Variants in KCNH5 observed in about 807,000 individuals in gnomAD.
The protein encoded by KCNH5 is potassium voltage-gated channel subfamily H member 5.
In KCNH5, 46 loss-of-function variants were observed where a neutral mutation model predicts 96.1. The ratio of observed to expected loss-of-function variants is 0.48; its 90% CI spans 0.38 to 0.61. The LOEUF (loss-of-function observed/expected upper bound fraction) is 0.61, where lower values mean the gene tolerates loss of function less well. Ranked by LOEUF, KCNH5 falls within the 20% of genes least tolerant of loss-of-function variation. The pLI, the probability that KCNH5 is intolerant of heterozygous loss-of-function variation, is 0.00. For synonymous variants in KCNH5, 439 were observed against 449.8 expected (o/e 0.98, Z 0.30); for missense variants, 907 against 1,225.8 (o/e 0.74, Z 3.88).
At chr14:62,826,385 T>C (rs1199280108) in intron 8 of KCNH5, among the ~76,000 whole-genome samples, 1 of 138,622 alleles carries the variant, frequency 7.2e-6, no homozygotes, top group Non-Finnish European at 1.5e-5. Context: ...TGAGATTTTG[T>C]GTGTGTGTGT....
At chr14:62,842,434 T>C (rs968279287) in intron 8 of KCNH5, among the ~76,000 whole-genome samples, 1 of 152,218 alleles carries the variant, frequency 6.6e-6, no homozygotes, top group Non-Finnish European at 1.5e-5. Context: ...TTGTAATATT[T>C]CAGTAGGTAA....
At chr14:62,772,040 T>A (rs559684843) in intron 10 of KCNH5, among the ~76,000 whole-genome samples, 1 of 152,328 alleles carries the variant, frequency 6.6e-6, no homozygotes, top group East Asian at 1.9e-4. Context: ...TCAGTTTACA[T>A]TCTTCTTTTG....
chr14:62,992,317 A>T (rs1890824764), intron 4 of KCNH5, among the ~76,000 whole-genome samples: 2 of 152,010 alleles, frequency 1.3e-5, no homozygotes, highest in African/African-American at 4.8e-5. Context: ...TTGTGTAAAG[A>T]TTTATTTTCT....
At chr14:62,867,306 T>G in intron 7 of KCNH5, among the ~76,000 whole-genome samples, 1 of 152,172 alleles carries the variant, frequency 6.6e-6, no homozygotes, top group Non-Finnish European at 1.5e-5. Flanking sequence ...TCTGCTCATG[T>G]CACTCCCCTT....
chr14:62,757,904 G>A (rs936757859), intron 10 of KCNH5, among the ~76,000 whole-genome samples: 3 of 152,064 alleles, frequency 2.0e-5, no homozygotes, highest in Admixed American at 6.6e-5. Flanking sequence ...CCAGCACTTC[G>A]GGAGGCTACG....
intron 9 of KCNH5, among the ~76,000 whole-genome samples, chr14:62,782,895 A>C (rs1398430085): frequency 1.3e-5 from 2 of 152,208 alleles, no homozygotes; most frequent in Admixed American, 1.3e-4. Context: ...TTTTATACAG[A>C]TGAATTTCAG....
chr14:62,964,156 T>C (rs963624361), intron 6 of KCNH5, among the ~76,000 whole-genome samples: 1 of 152,076 alleles, frequency 6.6e-6, no homozygotes, highest in South Asian at 2.1e-4. Flanking sequence ...TTCCCTAATA[T>C]TAGAAATTGG....
intron 10 of KCNH5, among the ~76,000 whole-genome samples, chr14:62,742,432 A>G (rs1414484296): frequency 2.7e-5 from 4 of 150,482 alleles, no homozygotes; most frequent in South Asian, 2.1e-4. Flanking sequence ...CAGCTTTGGA[A>G]TCACTGACCT....
At chr14:62,889,279 C>T (rs1888657290) in intron 7 of KCNH5, among the ~76,000 whole-genome samples, 1 of 152,204 alleles carries the variant, frequency 6.6e-6, no homozygotes, top group African/African-American at 2.4e-5. Flanking sequence ...ACCTGCCAGA[C>T]ACACTGTTCT....
At chr14:63,026,801 T>A (rs951457801) in intron 1 of KCNH5, among the ~76,000 whole-genome samples, 9 of 152,118 alleles carry the variant, frequency 5.9e-5, no homozygotes, top group Admixed American at 5.9e-4. Flanking sequence ...TGGAGGTTCC[T>A]CAAAAAATTA....
intron 7 of KCNH5, among the ~76,000 whole-genome samples, chr14:62,933,811 T>A (rs1274107189): frequency 6.6e-6 from 1 of 152,166 alleles, no homozygotes; most frequent in African/African-American, 2.4e-5. Flanking sequence ...AGTCAGATAA[T>A]CTGAATTAGC....
intron 4 of KCNH5, among the ~76,000 whole-genome samples, chr14:62,998,921 G>A (rs889834188): frequency 2.0e-5 from 3 of 152,118 alleles, no homozygotes; most frequent in African/African-American, 7.2e-5. Flanking sequence ...TGTATTCTCT[G>A]GCTGTTGGAT....
chr14:62,844,630 G>C (rs1887654331), intron 8 of KCNH5, among the ~76,000 whole-genome samples: 1 of 152,000 alleles, frequency 6.6e-6, no homozygotes, highest in Admixed American at 6.6e-5. Context: ...AAAATCTAAA[G>C]CAACCGTACT....
intron 6 of KCNH5, among the ~76,000 whole-genome samples, chr14:62,962,562 T>G (rs1046883625): frequency 5.3e-5 from 8 of 151,994 alleles, no homozygotes; most frequent in Admixed American, 5.3e-4. Context: ...CTTGATGAAG[T>G]GGAAGAACAT....
intron 9 of KCNH5, among the ~76,000 whole-genome samples, chr14:62,793,288 T>A (rs1049839532): frequency 2.0e-5 from 3 of 151,806 alleles, no homozygotes; most frequent in Admixed American, 2.0e-4. Context: ...AGAGGGTAGA[T>A]CTCATATTAA....
Position 62,987,160 on chromosome 14 carries a change from C to T in KCNH5, c.461G>A (p.Arg154Gln), listed in dbSNP as rs775603969. The T allele has an allele frequency of 5.0e-6, 8 of 1,613,216 alleles. No homozygotes were observed. Among genetic ancestry groups the T allele is most frequent in the East Asian group, 2.2e-5 (1 of 44,884 alleles). Reference protein sequence around the residue: ...KGWTKFARLTRALTNSRSVLQ... With the variant: ...KGWTKFARLTQALTNSRSVLQ... ...AACACTTCGGCTATTTGTCAAAGCCCGTGTCAATCGGGCAAATTTCGTCCA... is the reference window on the plus strand; with the variant it reads ...AACACTTCGGCTATTTGTCAAAGCCTGTGTCAATCGGGCAAATTTCGTCCA... The change falls in exon 5 of 11, where the codon CGG (arginine) becomes CAG (glutamine). Residue 154 changes from arginine (R) to glutamine (Q), a missense_variant. This residue lies in a region of KCNH5 where 370 missense variants were observed against 561.3 expected (regional missense o/e 0.66). Coordinates refer to ENST00000322893, the MANE Select transcript of KCNH5 (RefSeq NM_139318.5).
At chr14:62,790,504 T>C (rs1886410740) in intron 9 of KCNH5, among the ~76,000 whole-genome samples, 1 of 151,866 alleles carries the variant, frequency 6.6e-6, no homozygotes, top group African/African-American at 2.4e-5. Flanking sequence ...ATGTACATTT[T>C]AACAATATTA....
chr14:62,908,378 C>A (rs1014590235), intron 7 of KCNH5, among the ~76,000 whole-genome samples: 3 of 152,186 alleles, frequency 2.0e-5, no homozygotes, highest in African/African-American at 7.2e-5. Context: ...GCTTCCTGTT[C>A]ACCCGCCTAC....
At chr14:63,044,894 G>C (rs1400942128) in intron 1 of KCNH5, among the ~76,000 whole-genome samples, 1 of 152,156 alleles carries the variant, frequency 6.6e-6, no homozygotes, top group East Asian at 1.9e-4. Context: ...AGGTGGGAGG[G>C]GGTGAGTCTG....
Sources: allele counts gnomAD v4.1 joint callset (sites outside exome capture counted in the v4.1 genomes callset), GRCh38; gene constraint gnomAD v4.1.1; regional missense constraint gnomAD v4.1.1; transcripts MANE v1.5; gene names NCBI Gene and HGNC (gene_info 2026-07-23, HGNC 2026-07-21).